Variants in COL24A1 observed in about 807,000 individuals in gnomAD.
COL24A1 encodes collagen type XXIV alpha 1 chain.
In COL24A1, 224 loss-of-function variants were observed where a neutral mutation model predicts 253.9. The ratio of observed to expected loss-of-function variants is 0.88; its 90% CI spans 0.79 to 0.99. The LOEUF (loss-of-function observed/expected upper bound fraction) is 0.99, where lower values mean the gene tolerates loss of function less well. COL24A1 is among the 50% of genes least tolerant of loss of function. The pLI is 0.00. For synonymous variants in COL24A1, 685 were observed against 673.7 expected (o/e 1.02, Z -0.26); for missense variants, 2,131 against 2,068.5 (o/e 1.03, Z -0.59).
At chr1:86,142,992 A>T (rs914056963) in intron 2 of COL24A1, among the ~76,000 whole-genome samples, 5 of 152,214 alleles carry the variant, frequency 3.3e-5, no homozygotes, top group Admixed American at 1.3e-4. Flanking sequence ...CAGATAAAAA[A>T]AGGCAAAAGA....
chr1:85,834,732 T>A (rs1292463506), intron 43 of COL24A1, among the ~76,000 whole-genome samples: 1 of 152,226 alleles, frequency 6.6e-6, no homozygotes, highest in African/African-American at 2.4e-5. Context: ...TTTATACCTT[T>A]AAATAAAGTG....
At chr1:85,946,046 T>C (rs890300933) in intron 24 of COL24A1, among the ~76,000 whole-genome samples, 6 of 152,122 alleles carry the variant, frequency 3.9e-5, no homozygotes, top group Non-Finnish European at 7.4e-5. Flanking sequence ...GAGTGGTTCA[T>C]TGTGCCTCAA....
Position 85,744,809 on chromosome 1 carries a change from A to G in COL24A1, c.4529T>C (p.Leu1510Ser). ...MESYQNTEVTLIDHSEEIFKT... is the reference protein window; with the variant it reads ...MESYQNTEVTSIDHSEEIFKT... ...GAATATCTCTTCACTGTGGTCAATT[A>G]AAGTCACTTCAGTATTCTGGTAGCT... Residue 1510 changes from leucine to serine, a missense_variant, in exon 57 of 60, where the codon TTA becomes TCA. Coordinates refer to ENST00000370571, the MANE Select transcript of COL24A1 (RefSeq NM_152890.7). 6.2e-7 allele frequency: 1 copy of G among 1,610,606 alleles called. No homozygotes were observed. The highest frequency in any genetic ancestry group is 2.2e-5 in the East Asian group (1 of 44,788).
At chr1:86,103,205 T>C (rs558993003) in intron 5 of COL24A1, among the ~76,000 whole-genome samples, 5 of 152,338 alleles carry the variant, frequency 3.3e-5, no homozygotes, top group African/African-American at 1.2e-4. Context: ...TTGCAACCCA[T>C]GCTTTTTTTC....
At chr1:85,746,182 T>A (rs1372003346) in intron 55 of COL24A1, among the ~76,000 whole-genome samples, 1 of 152,162 alleles carries the variant, frequency 6.6e-6, no homozygotes, top group Non-Finnish European at 1.5e-5. Context: ...GGAAATGGCA[T>A]CTGTGTAAGT....
intron 43 of COL24A1, among the ~76,000 whole-genome samples, chr1:85,836,654 T>C (rs1409518750): frequency 6.6e-6 from 1 of 152,210 alleles, no homozygotes; most frequent in Non-Finnish European, 1.5e-5. Context: ...AGCATGGTTG[T>C]CTGGCACAAG....
At chr1:86,085,427 T>C (rs1258818075) in intron 7 of COL24A1, among the ~76,000 whole-genome samples, 1 of 152,214 alleles carries the variant, frequency 6.6e-6, no homozygotes, top group East Asian at 1.9e-4. Flanking sequence ...TGTTTTAAAA[T>C]GTGTGCATCA....
chr1:85,988,215 A>G (rs1413396721), intron 19 of COL24A1, among the ~76,000 whole-genome samples: 4 of 151,964 alleles, frequency 2.6e-5, no homozygotes, highest in Admixed American at 2.6e-4. Flanking sequence ...ATAAATACTT[A>G]AGTCCTCAAA....
intron 33 of COL24A1, 40 bp from the exon 34 acceptor site, chr1:85,875,370 A>C (rs1475273408): frequency 9.8e-6 from 15 of 1,528,460 alleles, no homozygotes; most frequent in Non-Finnish European, 1.4e-5. Context: ...AGGCAATAGC[A>C]ATCTCATGAG....
At chr1:86,079,802 T>C (rs6699364) in intron 7 of COL24A1, among the ~76,000 whole-genome samples, 65,243 of 151,852 alleles carry the variant, frequency 0.43, 14,670 homozygotes, top group Middle Eastern at 0.64. Context: ...AAAAGGAGAA[T>C]CCTCATACAC....
At chr1:85,743,550 G>A (rs1469180410) in intron 57 of COL24A1, among the ~76,000 whole-genome samples, 2 of 152,016 alleles carry the variant, frequency 1.3e-5, no homozygotes, top group African/African-American at 4.8e-5. Context: ...AAAGTATTTG[G>A]GGGGCGTAAA....
chr1:85,848,650 T>C (rs1677410568), intron 38 of COL24A1, among the ~76,000 whole-genome samples: 1 of 152,174 alleles, frequency 6.6e-6, no homozygotes, highest in Non-Finnish European at 1.5e-5. Flanking sequence ...ATAGCTGTTC[T>C]TAAACAACAT....
chr1:85,907,315 C>A, intron 27 of COL24A1, 68 bp from the exon 28 acceptor site: 1 of 1,290,484 alleles, frequency 7.7e-7, no homozygotes, highest in Non-Finnish European at 1.1e-6. Flanking sequence ...TAGCCATAAT[C>A]TTTCTTATAA....
chr1:85,933,110 G>GAAAAA (rs202030543), intron 24 of COL24A1, among the ~76,000 whole-genome samples: 3 of 66,566 alleles, frequency 4.5e-5, no homozygotes, highest in South Asian at 3.6e-4. Flanking sequence ...AAGAAAGAAA[G>GAAAAA]AAAAAAAAAA....
chr1:86,110,246 G>A (rs1705409271), intron 5 of COL24A1, among the ~76,000 whole-genome samples: 1 of 151,634 alleles, frequency 6.6e-6, no homozygotes, highest in Admixed American at 6.6e-5. Context: ...GGGAAAGTAT[G>A]GGAATGGAGA....
chr1:85,985,420 C>T (rs1297853585), intron 20 of COL24A1, among the ~76,000 whole-genome samples: 1 of 151,642 alleles, frequency 6.6e-6, no homozygotes, highest in Non-Finnish European at 1.5e-5. Flanking sequence ...AGGGTTTGGT[C>T]ATAAAGAACG....
intron 33 of COL24A1, 101 bp from the exon 34 acceptor site, chr1:85,875,431 G>A: frequency 1.2e-6 from 1 of 836,996 alleles, no homozygotes; most frequent in Non-Finnish European, 2.0e-6. Context: ...GTCCAAAAGG[G>A]CATAATTGCT....
intron 28 of COL24A1, 29 bp downstream of exon 28, chr1:85,907,165 T>A: frequency 6.3e-7 from 1 of 1,584,934 alleles, no homozygotes; most frequent in Non-Finnish European, 8.7e-7. Context: ...TTGGGGGGGT[T>A]AATGTACTTT....
intron 45 of COL24A1, among the ~76,000 whole-genome samples, chr1:85,822,396 T>A (rs1432129222): frequency 6.6e-6 from 1 of 152,194 alleles, no homozygotes; most frequent in East Asian, 1.9e-4. Context: ...TTCTTAAGAA[T>A]TTAATTTGAA....
Sources: allele counts gnomAD v4.1 joint callset (sites outside exome capture counted in the v4.1 genomes callset), GRCh38; gene constraint gnomAD v4.1.1; transcripts MANE v1.5; gene names NCBI Gene and HGNC (gene_info 2026-07-23, HGNC 2026-07-21).